The following SWT1 variants were observed in gnomAD, a reference collection of about 807,000 sequenced individuals.
The protein encoded by SWT1 is transcriptional protein SWT1.
SWT1 carries 33 observed loss-of-function variants against 107.3 expected under a neutral mutation model. The observed-to-expected ratio is 0.31, with a 90% CI of 0.23 to 0.41. The LOEUF is 0.41. Ranked by LOEUF, SWT1 falls within the 10% of genes least tolerant of loss-of-function variation. The probability of loss-of-function intolerance (pLI) is 1.00; values close to 1 mark genes in which losing one functional copy is unlikely to be tolerated. For synonymous variants in SWT1, 345 were observed against 348.3 expected (o/e 0.99, Z 0.11); for missense variants, 898 against 1,028.9 (o/e 0.87, Z 1.74).
At chr1:185,243,146 A>G (rs180829913) in intron 16 of SWT1, among the ~76,000 whole-genome samples, 1 of 152,118 alleles carries the variant, frequency 6.6e-6, no homozygotes, top group Admixed American at 6.5e-5. Context: ...TTTCACTCGG[A>G]TGCCCAGGCT....
intron 16 of SWT1, among the ~76,000 whole-genome samples, chr1:185,257,626 G>T (rs552453492): frequency 6.6e-6 from 1 of 152,096 alleles, no homozygotes; most frequent in Non-Finnish European, 1.5e-5. Context: ...GCAATGCCTC[G>T]CCCTGCTTCG....
At chr1:185,263,371 CTGAA>C (rs1233783828) in intron 16 of SWT1, 1 of 152,088 alleles carries the variant, frequency 6.6e-6, no homozygotes, top group Non-Finnish European at 1.5e-5. Context: ...TCAGAATTTC[CTGAA>C]TAATGAAGTT....
chr1:185,286,281 T>C (rs1443757152), intron 18 of SWT1, among the ~76,000 whole-genome samples: 2 of 152,202 alleles, frequency 1.3e-5, no homozygotes, highest in Non-Finnish European at 2.9e-5. Context: ...TGGATTGCAG[T>C]GGCGCGATCT....
At chr1:185,250,781 G>T (rs934357092) in intron 16 of SWT1, among the ~76,000 whole-genome samples, 3 of 152,010 alleles carry the variant, frequency 2.0e-5, no homozygotes, top group Admixed American at 6.5e-5. Flanking sequence ...TTCTTTCTCA[G>T]CCTCCCAAGT....
chr1:185,255,717 G>C (rs1183677021), intron 16 of SWT1, among the ~76,000 whole-genome samples: 1 of 143,678 alleles, frequency 7.0e-6, no homozygotes, highest in African/African-American at 2.6e-5. Context: ...ACACTGATGG[G>C]TCTTGACTCT....
intron 10 of SWT1, among the ~76,000 whole-genome samples, chr1:185,193,529 C>T (rs896060662): frequency 2.0e-5 from 3 of 150,864 alleles, no homozygotes; most frequent in African/African-American, 7.3e-5. Context: ...TGAAGTGGTG[C>T]AATCTTGGCT....
chr1:185,227,431 C>T, intron 15 of SWT1: 14 of 643,498 alleles, frequency 2.2e-5, no homozygotes, highest in Non-Finnish European at 4.0e-5. Flanking sequence ...TTCAGGCCAG[C>T]CTTCATACCA....
chr1:185,181,882 C>T, intron 6 of SWT1, 64 bp from the exon 7 acceptor site: 1 of 1,567,456 alleles, frequency 6.4e-7, no homozygotes, highest in Non-Finnish European at 8.7e-7. Flanking sequence ...GAATTAATTG[C>T]TTTCCTCTCT....
chr1:185,235,020 C>T (rs1201043179), intron 16 of SWT1, among the ~76,000 whole-genome samples: 2 of 152,050 alleles, frequency 1.3e-5, no homozygotes, highest in Non-Finnish European at 2.9e-5. Flanking sequence ...AGGAAGAAGT[C>T]GAATCCCTGA....
chr1:185,236,980 G>C (rs1241817378), intron 16 of SWT1, among the ~76,000 whole-genome samples: 2 of 152,224 alleles, frequency 1.3e-5, no homozygotes, highest in African/African-American at 4.8e-5. Flanking sequence ...CTAGTCATTA[G>C]AGAAATGCAA....
chr1:185,274,416 C>CA (rs1664102883), intron 17 of SWT1, among the ~76,000 whole-genome samples: 1 of 151,292 alleles, frequency 6.6e-6, no homozygotes, highest in African/African-American at 2.4e-5. Flanking sequence ...CTCATCCTCC[C>CA]AGGTAGCTGG....
At chr1:185,257,502 G>T (rs7535064) in intron 16 of SWT1, among the ~76,000 whole-genome samples, 10 of 151,580 alleles carry the variant, frequency 6.6e-5, no homozygotes, top group Non-Finnish European at 1.0e-4. Flanking sequence ...TTTTTAAGCC[G>T]GTCGGAAAAG....
At chr1:185,205,838 T>G (rs932707490) in intron 12 of SWT1, among the ~76,000 whole-genome samples, 1 of 152,142 alleles carries the variant, frequency 6.6e-6, no homozygotes, top group Non-Finnish European at 1.5e-5. Context: ...ATAGTAGAGA[T>G]AAGGAAAGTA....
At chr1:185,191,895 C>G (rs1035243499) in intron 10 of SWT1, among the ~76,000 whole-genome samples, 5 of 152,014 alleles carry the variant, frequency 3.3e-5, no homozygotes, top group Non-Finnish European at 1.5e-5. Flanking sequence ...AAATTTATAG[C>G]CAAACCTTAC....
At chr1:185,199,292 T>C (rs1454052009) in intron 10 of SWT1, among the ~76,000 whole-genome samples, 1 of 152,198 alleles carries the variant, frequency 6.6e-6, no homozygotes, top group Non-Finnish European at 1.5e-5. Context: ...TCTGTCATTA[T>C]GATGCTAGCT....
In SWT1 at chr1:185,214,526, T is replaced by C. The variant is rs1243867646; in HGVS notation, c.1992T>C (p.Phe664=). ...NLRKANKAVD[F]TTVKFLLQDS... ...TACCAGCTAATAAGGCAGTGGATTTTACAACAGTCAAATTCTTGCTTCAGG... is the reference window on the plus strand; with the variant it reads ...TACCAGCTAATAAGGCAGTGGATTTCACAACAGTCAAATTCTTGCTTCAGG... The change falls in exon 14 of 19, where the codon TTT becomes TTC. Residue 664 remains phenylalanine (F), a synonymous_variant. Transcript: ENST00000367500. 1.9e-6 allele frequency: 3 copies of C among 1,610,488 alleles called. No individual in the cohort carries two copies.
At chr1:185,192,268 C>T (rs1434046735) in intron 10 of SWT1, among the ~76,000 whole-genome samples, 1 of 152,142 alleles carries the variant, frequency 6.6e-6, no homozygotes. Context: ...GTTTCATAGA[C>T]ATCTGAAACC....
chr1:185,281,070 AC>A (rs1175645472), intron 18 of SWT1: 1 of 263,752 alleles, frequency 3.8e-6, no homozygotes, highest in African/African-American at 2.3e-5. Flanking sequence ...TGATTTTTAG[AC>A]CAAGATTATT....
chr1:185,210,420 G>A lies in SWT1; in HGVS notation c.1972+3657G>A, dbSNP rs144182172. Among the ~76,000 whole-genome samples, 540 of 152,124 alleles carry A rather than the reference G, an allele frequency of 3.5e-3. 5 individuals are homozygous for A. The highest frequency in any genetic ancestry group is 6.8e-3 in the Middle Eastern group (2 of 294). ...TGTATAAGGTGTAAGGAAGGGATCC[G>A]GTTTCAGCTTTCTGCATATGGCTAT... is the stretch of plus-strand genomic sequence containing the variant. On this transcript the variant is annotated intron_variant, in intron 13 of 18. Transcript: ENST00000367500.
Sources: gnomAD v4.1 joint callset for allele counts (sites outside exome capture counted in the v4.1 genomes callset) on GRCh38, gnomAD v4.1.1 for gene constraint, MANE v1.5 for transcripts, NCBI Gene and HGNC (gene_info 2026-07-23, HGNC 2026-07-21) for gene names.